CUEDC1: variants seen among roughly 807,000 people sequenced by gnomAD.
CUEDC1 encodes the protein CUE domain-containing protein 1.
A neutral mutation model predicts 43.7 loss-of-function variants in CUEDC1; 30 were observed. That is an observed-to-expected ratio of 0.69 (90% CI 0.51 to 0.93). CUEDC1 has a LOEUF of 0.93. CUEDC1 is among the 40% of genes least tolerant of loss of function. CUEDC1 has a pLI of 0.00. For synonymous variants in CUEDC1, 223 were observed against 223.6 expected (o/e 1.00, Z 0.02); for missense variants, 486 against 549.0 (o/e 0.89, Z 1.15).
chr17:57,883,772 A>G (rs2074248237), intron 2 of CUEDC1, among the ~76,000 whole-genome samples: 1 of 152,096 alleles, frequency 6.6e-6, no homozygotes, highest in African/African-American at 2.4e-5. Flanking sequence ...CATCTAAAGC[A>G]CTTAGGATGA....
At chr17:57,876,489 G>A (rs770596930) in intron 3 of CUEDC1, among the ~76,000 whole-genome samples, 1 of 152,202 alleles carries the variant, frequency 6.6e-6, no homozygotes, top group Non-Finnish European at 1.5e-5. Context: ...CCTTGGCAGT[G>A]TGTGGGCAAA....
At chr17:57,934,323 C>T (rs1448263061) in intron 1 of CUEDC1, among the ~76,000 whole-genome samples, 2 of 151,840 alleles carry the variant, frequency 1.3e-5, no homozygotes, top group Non-Finnish European at 2.9e-5. Context: ...ACCCAGGAGT[C>T]GGAGGTTGCA....
chr17:57,874,554 G>C (rs2074084313), intron 3 of CUEDC1, among the ~76,000 whole-genome samples: 1 of 152,178 alleles, frequency 6.6e-6, no homozygotes, highest in African/African-American at 2.4e-5. Flanking sequence ...TGACCCCCAG[G>C]CTCCCGCCCT....
At chr17:57,889,278 A>G (rs2074330946) in intron 1 of CUEDC1, among the ~76,000 whole-genome samples, 1 of 152,228 alleles carries the variant, frequency 6.6e-6, no homozygotes, top group Admixed American at 6.5e-5. Context: ...AGCCAGGAGC[A>G]GTGGGTAAAT....
At chr17:57,938,925 T>C (rs2074887964) in intron 1 of CUEDC1, among the ~76,000 whole-genome samples, 1 of 148,112 alleles carries the variant, frequency 6.8e-6, no homozygotes, top group Admixed American at 6.9e-5. Context: ...GCCTCCAAAA[T>C]GCTGGGATTA....
At chr17:57,910,212 G>A (rs1462801811) in intron 1 of CUEDC1, among the ~76,000 whole-genome samples, 1 of 152,082 alleles carries the variant, frequency 6.6e-6, no homozygotes, top group African/African-American at 2.4e-5. Context: ...GCCATTCAAT[G>A]GCAGCCTTCT....
chr17:57,893,126 C>T (rs1568039831), intron 1 of CUEDC1, among the ~76,000 whole-genome samples: 1 of 152,342 alleles, frequency 6.6e-6, no homozygotes, highest in South Asian at 2.1e-4. Flanking sequence ...GGTCATATGA[C>T]CCTGGGAGGC....
chr17:57,955,343 C>T lies in CUEDC1; in HGVS notation c.-434G>A. On this transcript the variant is annotated 5_prime_UTR_variant, in exon 1 of 11. Transcript: ENST00000577830. The surrounding 1 kb of genome is among the most constrained non-coding windows in gnomAD (Gnocchi z 5.3). Reference sequence around the variant, plus strand: ...GGGGCCAGGCTCGGCGGCGGCGGCGCGGCTGGGGCGCGGGGAGGCGGAGAA... The same window carrying T: ...GGGGCCAGGCTCGGCGGCGGCGGCGTGGCTGGGGCGCGGGGAGGCGGAGAA... 6.7e-6 allele frequency: 1 copy of T among 149,584 alleles called. No homozygotes were observed. The highest frequency in any genetic ancestry group is 1.8e-4 in the South Asian group (1 of 5,660). The allele number at this position is 149,584 out of a possible 1,614,324, so 9.3% of individuals were successfully genotyped here.
Position 57,861,812 on chromosome 17 carries a change from C to CA in CUEDC1, c.*1476_*1477insT, listed in dbSNP as rs991172136. 1.3e-5 allele frequency: 2 copies of CA among 151,100 alleles called. No individual in the cohort carries two copies. The highest frequency in any genetic ancestry group is 2.0e-4 in the East Asian group (1 of 5,110). 9.4% of individuals were successfully genotyped at this position (151,100 alleles called of 1,614,324 possible). ...GAGGCACTCCTCGGAGACCCCCCCCCCTCCCTCCAGGGCCCCAGGCCTGGC... is the reference window on the plus strand; with the variant it reads ...GAGGCACTCCTCGGAGACCCCCCCCCACTCCCTCCAGGGCCCCAGGCCTGGC... On this transcript the variant is annotated 3_prime_UTR_variant, in exon 11 of 11. Coordinates refer to ENST00000577830, the MANE Select transcript of CUEDC1 (RefSeq NM_001271875.2).
At chr17:57,894,655 G>A (rs1351193042) in intron 1 of CUEDC1, among the ~76,000 whole-genome samples, 1 of 152,130 alleles carries the variant, frequency 6.6e-6, no homozygotes, top group Non-Finnish European at 1.5e-5. Flanking sequence ...GAGCAAGAGT[G>A]AGACTCTGTC....
chr17:57,873,540 G>C, intron 4 of CUEDC1, 51 bp downstream of exon 4: 1 of 1,495,234 alleles, frequency 6.7e-7, no homozygotes, highest in Non-Finnish European at 9.0e-7. Context: ...TGGGCAAAGA[G>C]AGATGCTGGA....
chr17:57,889,659 AG>A (rs2074335076), intron 1 of CUEDC1, among the ~76,000 whole-genome samples: 1 of 152,226 alleles, frequency 6.6e-6, no homozygotes, highest in African/African-American at 2.4e-5. Flanking sequence ...TTTCTATCAA[AG>A]GGTGGTTCTG....
chr17:57,937,922 A>C (rs2074877892), intron 1 of CUEDC1, among the ~76,000 whole-genome samples: 1 of 152,192 alleles, frequency 6.6e-6, no homozygotes, highest in Admixed American at 6.5e-5. Context: ...AAACTAAAAA[A>C]TAAATCTAAA....
At chr17:57,948,711 A>T (rs950031608) in intron 1 of CUEDC1, among the ~76,000 whole-genome samples, 1 of 152,138 alleles carries the variant, frequency 6.6e-6, no homozygotes, top group African/African-American at 2.4e-5. Context: ...AGGGGAGGCC[A>T]TTCCCCTCTG....
chr17:57,904,243 C>T (rs1317817735), intron 1 of CUEDC1, among the ~76,000 whole-genome samples: 2 of 152,162 alleles, frequency 1.3e-5, no homozygotes, highest in African/African-American at 2.4e-5. Context: ...TACCCCACCG[C>T]GTCTCCTAGG....
At chr17:57,873,233 G>C (rs538032862) in intron 4 of CUEDC1, among the ~76,000 whole-genome samples, 1 of 152,146 alleles carries the variant, frequency 6.6e-6, no homozygotes, top group African/African-American at 2.4e-5. Flanking sequence ...GGGCACCTTG[G>C]GGCATGCCAA....
At position 57,872,709 on chromosome 17, in the gene CUEDC1, C is replaced by A. The variant is rs140829863; in HGVS notation, c.738G>T (p.Met246Ile). The stretch of plus-strand genomic sequence containing the variant: ...AGTCGCGGTTCCGTTGCAGCTCCTT[C>A]ATGAACTCCTCGTTCTGCAGGAAAA... ...IALFLQNEEF[M>I]KELQRNRDFL... The change falls in exon 5 of 11, where the codon ATG becomes ATT. Residue 246 changes from methionine (M) to isoleucine (I), a missense_variant. Coordinates refer to ENST00000577830, the MANE Select transcript of CUEDC1 (RefSeq NM_001271875.2). 9 of 1,614,092 alleles carry A rather than the reference C, an allele frequency of 5.6e-6. No homozygotes were observed. Among genetic ancestry groups the A allele is most frequent in the African/African-American group, 1.3e-5 (1 of 74,942 alleles).
intron 1 of CUEDC1, among the ~76,000 whole-genome samples, chr17:57,897,654 GAAAAA>G (rs58748550): frequency 0.16 from 17,850 of 109,538 alleles, 1,337 homozygotes; most frequent in Non-Finnish European, 0.23. Flanking sequence ...TGGTCTCAAT[GAAAAA>G]AAAAAAAAAA....
At chr17:57,898,125 C>CCA (rs1221345420) in intron 1 of CUEDC1, among the ~76,000 whole-genome samples, 56 of 152,352 alleles carry the variant, frequency 3.7e-4, no homozygotes, top group African/African-American at 1.2e-3. Context: ...CCTTCCTGCT[C>CCA]TGATCATTTA....
Sources: allele counts gnomAD v4.1 joint callset (sites outside exome capture counted in the v4.1 genomes callset), GRCh38; gene constraint gnomAD v4.1.1; non-coding constraint Gnocchi (gnomAD v3.1); transcripts MANE v1.5; gene names NCBI Gene and HGNC (gene_info 2026-07-23, HGNC 2026-07-21).